GPR180: variants seen among roughly 807,000 people sequenced by gnomAD.
GPR180 encodes integral membrane protein GPR180.
A neutral mutation model predicts 52.6 loss-of-function variants in GPR180; 53 were observed. The observed-to-expected ratio is 1.01, with a 90% CI of 0.81 to 1.27. The LOEUF (loss-of-function observed/expected upper bound fraction) is 1.27, where lower values mean the gene tolerates loss of function less well. Among genes scored for constraint, GPR180 ranks in the 50% most tolerant of loss-of-function variants. The pLI, the probability that GPR180 is intolerant of heterozygous loss-of-function variation, is 0.00. For synonymous variants in GPR180, 200 were observed against 193.1 expected, an observed-to-expected ratio of 1.04 and a Z score of -0.30; for missense variants, 533 against 527.0, an observed-to-expected ratio of 1.01 and a Z score of -0.11.
chr13:94,604,457 C>A (rs962437670), intron 1 of GPR180, among the ~76,000 whole-genome samples: 1 of 152,038 alleles, frequency 6.6e-6, no homozygotes, highest in African/African-American at 2.4e-5. Context: ...TGCCTGTAAT[C>A]CCAGCTACTC....
chr13:94,619,499 A>G lies in GPR180; in HGVS notation c.718A>G (p.Met240Val). The G allele has an allele frequency of 6.2e-7, 1 of 1,613,362 alleles. No individual in the cohort carries two copies. The highest frequency in any genetic ancestry group is 8.5e-7 in the Non-Finnish European group (1 of 1,179,558). ...YSKDGIGVPF[M>V]GSLAEFFDIA... ...CAAAGATGGAATAGGGGTACCATTT[A>G]TGGGAAGTTTGGCAGAATGTGAGTA... The change falls in exon 5 of 9, where the codon ATG becomes GTG. Residue 240 changes from methionine to valine, a missense_variant. By Grantham distance (21) the Met-to-Val change is conservative. Coordinates refer to ENST00000376958, the MANE Select transcript of GPR180 (RefSeq NM_180989.6).
rs146781539 is a variant in GPR180 at position 94,605,546 on chromosome 13, A to T, written c.301A>T (p.Thr101Ser). The change falls in exon 2 of 9, where the codon ACA becomes TCA. Residue 101 changes from threonine to serine, a missense_variant. Coordinates refer to ENST00000376958, the MANE Select transcript of GPR180 (RefSeq NM_180989.6). The stretch of plus-strand genomic sequence containing the variant: ...TGAAAAATTATCCAAAGCTCAGTTG[A>T]CAAGTGAGTATATCCTTTTTTCTTT... The part of the protein sequence containing the change: ...CSEKLSKAQL[T>S]MTMNQTEHNL... The T allele has an allele frequency of 6.2e-7, 1 of 1,610,922 alleles. No homozygotes were observed. The highest frequency in any genetic ancestry group is 8.5e-7 in the Non-Finnish European group (1 of 1,178,130).
intron 2 of GPR180, among the ~76,000 whole-genome samples, chr13:94,609,885 A>G (rs1889682317): frequency 6.6e-6 from 1 of 152,144 alleles, no homozygotes; most frequent in South Asian, 2.1e-4. Context: ...TGTACAGTCC[A>G]AGTCCTCAAA....
intron 1 of GPR180, among the ~76,000 whole-genome samples, chr13:94,604,234 T>A (rs1477651896): frequency 6.6e-6 from 1 of 151,408 alleles, no homozygotes; most frequent in Non-Finnish European, 1.5e-5. Flanking sequence ...TTTGGGAGGG[T>A]GAGGCAGGAG....
chr13:94,624,485 G>T (rs1594479481), intron 7 of GPR180, among the ~76,000 whole-genome samples: 1 of 152,318 alleles, frequency 6.6e-6, no homozygotes, highest in East Asian at 1.9e-4. Flanking sequence ...TTTTCAGAGG[G>T]ACAGTAGTGC....
chr13:94,614,866 C>T (rs990887182), intron 3 of GPR180, among the ~76,000 whole-genome samples: 3 of 152,174 alleles, frequency 2.0e-5, no homozygotes, highest in Non-Finnish European at 2.9e-5. Context: ...CAAGGCTTAC[C>T]TTCGGGGATT....
At position 94,621,065 on chromosome 13, in the gene GPR180, C is replaced by T; in HGVS notation, c.737-13C>T. 1 of 1,590,560 alleles carries T rather than the reference C, an allele frequency of 6.3e-7. No individual in the cohort carries two copies. The highest frequency in any genetic ancestry group is 8.5e-7 in the Non-Finnish European group (1 of 1,172,948). ...TGAAAACTTGGTTGACGTTGGTTTT[C>T]ATGTCCCATTAGTTTTTGACATCGC... On this transcript the variant is annotated splice_polypyrimidine_tract_variant and intron_variant, in intron 5 of 8. Coordinates refer to ENST00000376958, the MANE Select transcript of GPR180 (RefSeq NM_180989.6).
intron 1 of GPR180, among the ~76,000 whole-genome samples, chr13:94,605,070 T>C (rs1238392483): frequency 6.6e-6 from 1 of 152,164 alleles, no homozygotes; most frequent in African/African-American, 2.4e-5. Flanking sequence ...AGATTATGAA[T>C]AAAATATAAA....
In GPR180 at chr13:94,601,865, A is replaced by G; in HGVS notation, c.-63A>G. 7 of 1,325,094 alleles carry G rather than the reference A, an allele frequency of 5.3e-6. No homozygotes were observed. The highest frequency in any genetic ancestry group is 1.9e-5 in the South Asian group (1 of 52,812). The allele number at this position is 1,325,094 out of a possible 1,614,324, so 82.1% of individuals were successfully genotyped here. On this transcript the variant is annotated 5_prime_UTR_variant, in exon 1 of 9. Coordinates refer to ENST00000376958, the MANE Select transcript of GPR180 (RefSeq NM_180989.6). Reference sequence around the variant, plus strand: ...CCCACCCCGCCTCCCCCAGCTGCCGACGTGGGGCGGGCAGCCGCCGGCGGC... The same window carrying G: ...CCCACCCCGCCTCCCCCAGCTGCCGGCGTGGGGCGGGCAGCCGCCGGCGGC...
intron 3 of GPR180, among the ~76,000 whole-genome samples, chr13:94,617,313 G>T (rs1363055885): frequency 6.6e-6 from 1 of 152,068 alleles, no homozygotes; most frequent in Non-Finnish European, 1.5e-5. Context: ...TAAAAACTAA[G>T]ATTCAAAACA....
At chr13:94,606,858 C>G (rs900001383) in intron 2 of GPR180, among the ~76,000 whole-genome samples, 1 of 152,200 alleles carries the variant, frequency 6.6e-6, no homozygotes, top group Non-Finnish European at 1.5e-5. Flanking sequence ...CAATTACATA[C>G]AATTATTTAC....
intron 7 of GPR180, among the ~76,000 whole-genome samples, chr13:94,623,942 A>G (rs1413432805): frequency 6.6e-6 from 1 of 152,174 alleles, no homozygotes; most frequent in South Asian, 2.1e-4. Context: ...GGATTTCTCA[A>G]CAGTTATTAA....
In GPR180 at chr13:94,630,534, C is replaced by T. The variant is rs1055727623; in HGVS notation, c.*3363C>T. On this transcript the variant is annotated 3_prime_UTR_variant, in exon 9 of 9. Coordinates refer to ENST00000376958, the MANE Select transcript of GPR180 (RefSeq NM_180989.6). ...AAAACCCTCCATGTGCCTCTCATTG[C>T]ACTTAGGAAAAGAAGTCCTCACTCA... is the stretch of plus-strand genomic sequence containing the variant. The T allele has an allele frequency of 1.3e-5, 2 of 152,204 alleles. No individual in the cohort carries two copies. The highest frequency in any genetic ancestry group is 2.9e-5 in the Non-Finnish European group (2 of 68,042). The allele number at this position is 152,204 out of a possible 1,614,324, so 9.4% of individuals were successfully genotyped here. A position where few individuals can be genotyped will look rare whatever the true frequency, so the allele number is the denominator to read the frequency against.
rs527574341 is a variant in GPR180, at chr13:94,627,979, C to A, written c.*808C>A. On this transcript the variant is annotated 3_prime_UTR_variant, in exon 9 of 9. Coordinates refer to ENST00000376958, the MANE Select transcript of GPR180 (RefSeq NM_180989.6). ...CTGAAATTTTGATCCCAATAGAATT[C>A]ATTTCTCTTACGTTGAATCCCCAAT... 2.8e-4 allele frequency: 43 copies of A among 152,560 alleles called. No individual in the cohort carries two copies. Among genetic ancestry groups the A allele is most frequent in the African/African-American group, 1.0e-3 (43 of 41,546 alleles). The allele number at this position is 152,560 out of a possible 1,614,324, so 9.5% of individuals were successfully genotyped here.
chr13:94,623,833 T>C (rs1353194198), intron 7 of GPR180, among the ~76,000 whole-genome samples: 1 of 152,194 alleles, frequency 6.6e-6, no homozygotes, highest in East Asian at 1.9e-4. Context: ...ATATATTCTT[T>C]GCGGGTCAGT....
Position 94,627,095 on chromosome 13 carries a change from G to A in GPR180, c.1247G>A (p.Trp416Ter). ...CTCTTTCTGTCTCACAGTCTATACT[G>A]GGAAGTTTCTTCACTTTCTTCAGTA... ...YRLFLSHSLY[W>*]EVSSLSSVTL... Residue 416 changes from tryptophan (W) to a stop codon, truncating the protein, a stop_gained, in exon 9 of 9, where the codon TGG becomes TAG. Transcript: ENST00000376958. LOFTEE classifies it high-confidence loss of function. The A allele has an allele frequency of 6.2e-7, 1 of 1,612,688 alleles. No homozygotes were observed. The highest frequency in any genetic ancestry group is 8.5e-7 in the Non-Finnish European group (1 of 1,179,142).
At chr13:94,616,046 C>T (rs1412806295) in intron 3 of GPR180, among the ~76,000 whole-genome samples, 2 of 152,188 alleles carry the variant, frequency 1.3e-5, no homozygotes, top group African/African-American at 4.8e-5. Flanking sequence ...TATCCTCAGA[C>T]TATCAGTGTT....
intron 3 of GPR180, among the ~76,000 whole-genome samples, chr13:94,613,937 G>A (rs1377061045): frequency 2.7e-5 from 4 of 150,926 alleles, no homozygotes; most frequent in Admixed American, 6.6e-5. Flanking sequence ...GGAGTGCAAT[G>A]GTGCAGTCTC....
chr13:94,617,186 A>C (rs1161866121), intron 3 of GPR180, among the ~76,000 whole-genome samples: 1 of 152,110 alleles, frequency 6.6e-6, no homozygotes, highest in African/African-American at 2.4e-5. Context: ...AACTTCATGG[A>C]GTCAGAAACT....
Sources: allele counts gnomAD v4.1 joint callset (sites outside exome capture counted in the v4.1 genomes callset), GRCh38; gene constraint gnomAD v4.1.1; transcripts MANE v1.5; gene names NCBI Gene and HGNC (gene_info 2026-07-23, HGNC 2026-07-21).